COL1A1: variants seen among roughly 807,000 people sequenced by gnomAD.
COL1A1 encodes the protein collagen alpha-1(I) chain.
COL1A1 carries 21 observed loss-of-function variants against 195.7 expected under a neutral mutation model. That is an observed-to-expected ratio of 0.11 (90% CI 0.08 to 0.15). The LOEUF is 0.15. Ranked by LOEUF, COL1A1 falls within the 10% of genes least tolerant of loss-of-function variation. The pLI is 1.00. For missense variants in COL1A1, 1,365 were observed against 2,051.0 expected (o/e 0.67, Z 6.46); for synonymous variants, 749 against 747.3 (o/e 1.00, Z -0.04).
chr17:50,198,472 A>G lies in COL1A1; in HGVS notation c.504T>C (p.Asp168=), dbSNP rs368246367. Residue 168 remains aspartate (D), a synonymous_variant, in exon 6 of 51, where the codon GAT becomes GAC. Transcript: ENST00000225964. ...NFAPQLSYGY[D]EKSTGGISVP... ...CGGAAATTCCTCCGGTTGATTTCTC[A>G]TCATAGCCATAAGACAGCTGGGGAG... The G allele has an allele frequency of 6.2e-7, 1 of 1,613,516 alleles. No homozygotes were observed. The highest frequency in any genetic ancestry group is 2.2e-5 in the East Asian group (1 of 44,886).
rs1906394515 is a variant in COL1A1, at chr17:50,185,360, A to T, written c.*142T>A. On this transcript the variant is annotated 3_prime_UTR_variant, in exon 51 of 51. Transcript: ENST00000225964. ...TAAGTTTGAGAGATGAATGCAAAGG[A>T]AAAAAATATTTTCCAAAGTCCATGT... The T allele has an allele frequency of 1.0e-6, 1 of 992,012 alleles. No homozygotes were observed. The highest frequency in any genetic ancestry group is 1.4e-5 in the South Asian group (1 of 70,698). The allele number at this position is 992,012 out of a possible 1,614,324, so 61.5% of individuals were successfully genotyped here.
In COL1A1 at chr17:50,199,765, G is replaced by C; in HGVS notation, c.286C>G (p.Pro96Ala). Residue 96 changes from proline (P) to alanine (A), a missense_variant, in exon 2 of 51, where the codon CCC (proline) becomes GCC (alanine). By Grantham distance (27) the Pro-to-Ala change is conservative. This residue lies in a region of COL1A1 where 194 missense variants were observed against 221.7 expected (regional missense o/e 0.88). Transcript: ENST00000225964. ...AGCGCAGCCGCACCTGAGCCGTCGG[G>C]GCAGACGGGACAGCACTCGCCCTCG... ...VPEGECCPVC[P>A]DGSESPTDQE... is the part of the protein sequence containing the mutation. The C allele has an allele frequency of 6.2e-7, 1 of 1,612,584 alleles. No individual in the cohort carries two copies. Among genetic ancestry groups the C allele is most frequent in the Non-Finnish European group, 8.5e-7 (1 of 1,179,750 alleles).
At position 50,194,585 on chromosome 17, in the gene COL1A1, A is replaced by G; in HGVS notation, c.1503T>C (p.Val501=). 1.3e-6 allele frequency: 2 copies of G among 1,582,840 alleles called. No homozygotes were observed. The highest frequency in any genetic ancestry group is 1.7e-6 in the Non-Finnish European group (2 of 1,164,340). Residue 501 remains valine, a synonymous_variant, in exon 22 of 51, where the codon GTT becomes GTC. Coordinates refer to ENST00000225964, the MANE Select transcript of COL1A1 (RefSeq NM_000088.4). This position sits in a 1 kb window ranked among gnomAD's most constrained non-coding sequence, Gnocchi z 6.8. The part of the protein sequence containing the change: ...GSRGFPGADG[V]AGPKGPAGER... ...AAGGAGAGGTTACCTTGGGACCAGC[A>G]ACACCATCTGCGCCAGGGAAACCAC... is the stretch of plus-strand genomic sequence containing the variant.
chr17:50,193,372 T>G, intron 25 of COL1A1: 1 of 454,878 alleles, frequency 2.2e-6, no homozygotes, highest in Non-Finnish European at 4.0e-6. Context: ...ATCAAAGGCC[T>G]GTCCTATCCC....
In COL1A1 at chr17:50,199,260, G is replaced by T; in HGVS notation, c.437C>A (p.Pro146His). The T allele has an allele frequency of 1.3e-6, 2 of 1,495,862 alleles. No homozygotes were observed. The highest frequency in any genetic ancestry group is 1.3e-5 in the South Asian group (1 of 76,778). The allele number at this position is 1,495,862 out of a possible 1,614,324, so 92.7% of individuals were successfully genotyped here. ...GCCAGGGGGTCCGGGAGGTCCGGGG[G>T]GTCCGGGGGGTCCGGGAAGTCCAGG... ...GQPGLPGPPG[P>H]PGPPGPPGLG... The change falls in exon 5 of 51, where the codon CCC becomes CAC. Residue 146 changes from proline to histidine, a missense_variant. Transcript: ENST00000225964.
chr17:50,199,927 G>T lies in COL1A1; in HGVS notation c.124C>A (p.Gln42Lys), dbSNP rs1223061614. The change falls in exon 2 of 51, where the codon CAG (glutamine) becomes AAG (lysine). Residue 42 changes from glutamine to lysine, a missense_variant. Coordinates refer to ENST00000225964, the MANE Select transcript of COL1A1 (RefSeq NM_000088.4). The stretch of plus-strand genomic sequence containing the variant: ...CGGTCATGGTACCTGAGGCCGTTCT[G>T]TACGCAGGTGATTGGTGGGACTGGG... ...DEDIPPITCV[Q>K]NGLRYHDRDV... 1 of 1,614,210 alleles carries T rather than the reference G, an allele frequency of 6.2e-7. No individual in the cohort carries two copies. Among genetic ancestry groups the T allele is most frequent in the South Asian group, 1.1e-5 (1 of 91,084 alleles).
chr17:50,195,552 G>A lies in COL1A1; in HGVS notation c.1155+15C>T. On this transcript the variant is annotated intron_variant, in intron 17 of 50. Transcript: ENST00000225964. This position sits in a 1 kb window ranked among gnomAD's most constrained non-coding sequence, Gnocchi z 4.3. ...TAGAAAGTGGCAAAGGGGACACTGA[G>A]TCGGGGACACTTACAGCAGGGCCAG... The A allele has an allele frequency of 6.2e-7, 1 of 1,614,044 alleles. No individual in the cohort carries two copies. The highest frequency in any genetic ancestry group is 8.5e-7 in the Non-Finnish European group (1 of 1,179,938).
At position 50,199,270 on chromosome 17, in the gene COL1A1, G is replaced by C. The variant is rs570526849; in HGVS notation, c.427C>G (p.Pro143Ala). The C allele has an allele frequency of 6.6e-7, 1 of 1,510,036 alleles. No individual in the cohort carries two copies. Among genetic ancestry groups the C allele is most frequent in the Non-Finnish European group, 8.9e-7 (1 of 1,123,686 alleles). The allele number at this position is 1,510,036 out of a possible 1,614,324, so 93.5% of individuals were successfully genotyped here. A position where few individuals can be genotyped will look rare whatever the true frequency, so the allele number is the denominator to read the frequency against. Residue 143 changes from proline to alanine, a missense_variant, in exon 5 of 51, where the codon CCC becomes GCC. Coordinates refer to ENST00000225964, the MANE Select transcript of COL1A1 (RefSeq NM_000088.4). ...GIPGQPGLPG[P>A]PGPPGPPGPP... ...CCGGGAGGTCCGGGGGGTCCGGGGG[G>C]TCCGGGAAGTCCAGGCTGTCCAGGG...
Position 50,186,939 on chromosome 17 carries a change from G to A in COL1A1, c.3532-17C>T, listed in dbSNP as rs540027833. 3.1e-6 allele frequency: 5 copies of A among 1,613,418 alleles called. 1 individual carries two copies. The South Asian group carries it at 4.4e-5, about 14-fold the overall frequency. On this transcript the variant is annotated splice_polypyrimidine_tract_variant and intron_variant, in intron 47 of 50. Transcript: ENST00000225964. The surrounding 1 kb of genome is among the most constrained non-coding windows in gnomAD (Gnocchi z 5.3). ...GGGGGGACCCTGCACAGAGAGGGAAGAGAGTGGGGATTACCGGCATCCAAG... is the reference window on the plus strand; with the variant it reads ...GGGGGGACCCTGCACAGAGAGGGAAAAGAGTGGGGATTACCGGCATCCAAG...
At chr17:50,201,361 G>T (rs772971553) in intron 1 of COL1A1, 50 bp downstream of exon 1, 102 of 1,572,368 alleles carry the variant, frequency 6.5e-5, no homozygotes, top group Non-Finnish European at 5.2e-6. Context: ...GGGACCAAGC[G>T]CAAGGCGCGA....
rs770907666 is a variant in COL1A1 at position 50,187,066 on chromosome 17, G to A, written c.3480C>T (p.Gly1160=). The A allele has an allele frequency of 1.2e-6, 2 of 1,613,748 alleles. No individual in the cohort carries two copies. The highest frequency in any genetic ancestry group is 1.7e-6 in the Non-Finnish European group (2 of 1,179,890). Residue 1160 remains glycine (G), a synonymous_variant, in exon 47 of 51, where the codon GGC becomes GGT. Transcript: ENST00000225964. ...CGCGAGGACCAGGGGGCCCAATGGG[G>A]CCAGGGAGACCGTTGAGTCCATCTT... is the stretch of plus-strand genomic sequence containing the variant. The part of the protein sequence containing the change: ...PGKDGLNGLP[G]PIGPPGPRGR...
chr17:50,191,244 G>C, intron 32 of COL1A1, 139 bp downstream of exon 32: 2 of 860,318 alleles, frequency 2.3e-6, no homozygotes, highest in South Asian at 1.4e-5. Flanking sequence ...CAGCAAAAAG[G>C]CCAGAGGGGA....
intron 6 of COL1A1, 64 bp from the exon 7 acceptor site, chr17:50,198,269 C>A: frequency 6.3e-7 from 1 of 1,593,580 alleles, no homozygotes; most frequent in Non-Finnish European, 8.6e-7. Context: ...TGGATGTAGT[C>A]ATTCATGCCT....
intron 15 of COL1A1, 87 bp from the exon 16 acceptor site, chr17:50,196,063 A>G: frequency 6.2e-7 from 1 of 1,604,912 alleles, no homozygotes; most frequent in East Asian, 2.2e-5. Context: ...TGGGGTTCAG[A>G]CCAACATAAC....
chr17:50,189,468 G>A lies in COL1A1; in HGVS notation c.2738C>T (p.Thr913Ile). ...KEGGKGPRGE[T>I]GPAGRPGEVG... ...TTCACCAGGACGTCCAGCAGGGCCA[G>A]TCTCACCACGGGGACCTTTGCCGCC... The change falls in exon 39 of 51, where the codon ACT (threonine) becomes ATT (isoleucine). Residue 913 changes from threonine to isoleucine, a missense_variant. Thr to Ile is a moderately conservative substitution (Grantham distance 89). Around this residue, in one of 5 missense-constraint regions of COL1A1, gnomAD observed 671 missense variants for 1,099.9 expected, o/e 0.61. Coordinates refer to ENST00000225964, the MANE Select transcript of COL1A1 (RefSeq NM_000088.4). This position sits in a 1 kb window ranked among gnomAD's most constrained non-coding sequence, Gnocchi z 5.5. The A allele has an allele frequency of 1.9e-6, 3 of 1,613,554 alleles. No individual in the cohort carries two copies. The East Asian group carries it at 6.7e-5, about 36-fold the overall frequency.
At chr17:50,192,581 G>C (rs1598293558) in intron 28 of COL1A1, 53 bp from the exon 29 acceptor site, 3 of 1,613,986 alleles carry the variant, frequency 1.9e-6, no homozygotes, top group Middle Eastern at 3.3e-4. Flanking sequence ...ATCTGGAAGA[G>C]ACCAAAGAGG....
chr17:50,199,264 C>T lies in COL1A1; in HGVS notation c.433G>A (p.Gly145Arg), dbSNP rs1907850821. ...PGQPGLPGPP[G>R]PPGPPGPPGL... ...GGGGGTCCGGGAGGTCCGGGGGGTC[C>T]GGGGGGTCCGGGAAGTCCAGGCTGT... is the stretch of plus-strand genomic sequence containing the variant. Residue 145 changes from glycine (G) to arginine (R), a missense_variant, in exon 5 of 51, where the codon GGA becomes AGA. This residue lies in a region of COL1A1 where 194 missense variants were observed against 221.7 expected (regional missense o/e 0.88). Transcript: ENST00000225964. The T allele has an allele frequency of 6.7e-7, 1 of 1,498,816 alleles. No individual in the cohort carries two copies. The highest frequency in any genetic ancestry group is 8.9e-7 in the Non-Finnish European group (1 of 1,118,090). 92.8% of individuals were successfully genotyped at this position (1,498,816 alleles called of 1,614,324 possible).
chr17:50,196,739 A>G, intron 11 of COL1A1, 69 bp from the exon 12 acceptor site: 1 of 1,545,576 alleles, frequency 6.5e-7, no homozygotes, highest in South Asian at 1.1e-5. Flanking sequence ...ATCCACCTAG[A>G]TCTGAGAAAG....
At position 50,192,504 on chromosome 17, in the gene COL1A1, G is replaced by A; in HGVS notation, c.1954C>T (p.Pro652Ser). Residue 652 changes from proline to serine, a missense_variant, in exon 29 of 51, where the codon CCA (proline) becomes TCA (serine). Around this residue, in one of 5 missense-constraint regions of COL1A1, gnomAD observed 671 missense variants for 1,099.9 expected, o/e 0.61. Coordinates refer to ENST00000225964, the MANE Select transcript of COL1A1 (RefSeq NM_000088.4). ...FQGLPGPAGP[P>S]GEAGKPGEQG... is the part of the protein sequence containing the mutation. ...TCACCAGGTTTGCCTGCTTCACCTG[G>A]AGGACCAGCAGGACCAGGGAGACCC... The A allele has an allele frequency of 6.2e-7, 1 of 1,613,884 alleles. No individual in the cohort carries two copies. The highest frequency in any genetic ancestry group is 8.5e-7 in the Non-Finnish European group (1 of 1,179,856).
Sources: allele counts gnomAD v4.1 joint callset, GRCh38; gene constraint gnomAD v4.1.1; regional missense constraint gnomAD v4.1.1; non-coding constraint Gnocchi (gnomAD v3.1); transcripts MANE v1.5; gene names NCBI Gene and HGNC (gene_info 2026-07-23, HGNC 2026-07-21).